The following SLC4A10 variants were observed in gnomAD, a reference collection of about 807,000 sequenced individuals.
The protein encoded by SLC4A10 is solute carrier family 4 member 10, also known as sodium-driven chloride bicarbonate exchanger.
Under a neutral mutation model 137.7 loss-of-function variants are expected in SLC4A10, and 42 were observed. The observed-to-expected ratio is 0.30, with a 90% CI of 0.24 to 0.39. The LOEUF (loss-of-function observed/expected upper bound fraction) is 0.39. Among genes scored for constraint, SLC4A10 ranks in the 10% least tolerant of loss-of-function variants. The pLI is 1.00. For synonymous variants in SLC4A10, 474 were observed against 464.1 expected, an observed-to-expected ratio of 1.02 and a Z score of -0.27; for missense variants, 925 against 1,355.0, an observed-to-expected ratio of 0.68 and a Z score of 4.98.
intron 1 of SLC4A10, among the ~76,000 whole-genome samples, chr2:161,740,570 C>T (rs1211048148): frequency 6.6e-6 from 1 of 152,104 alleles, no homozygotes; most frequent in Non-Finnish European, 1.5e-5. Context: ...ATTCTCTAGT[C>T]CAAAATCCCA....
chr2:161,895,233 G>T (rs180886910), intron 11 of SLC4A10, among the ~76,000 whole-genome samples: 206 of 152,096 alleles, frequency 1.4e-3, no homozygotes, highest in African/African-American at 4.7e-3. Flanking sequence ...TCCCTACAAA[G>T]GATGTGAACT....
At chr2:161,801,331 T>G (rs2055344016) in intron 2 of SLC4A10, among the ~76,000 whole-genome samples, 1 of 152,026 alleles carries the variant, frequency 6.6e-6, no homozygotes. Flanking sequence ...TACTTACCTC[T>G]TAATCTTTTT....
intron 1 of SLC4A10, among the ~76,000 whole-genome samples, chr2:161,632,917 T>G (rs1055228979): frequency 4.0e-5 from 6 of 151,700 alleles, no homozygotes; most frequent in Non-Finnish European, 5.9e-5. Context: ...TTTTTAACAA[T>G]AAATCATAAT....
At chr2:161,851,895 T>C (rs1359591749) in intron 4 of SLC4A10, among the ~76,000 whole-genome samples, 1 of 152,140 alleles carries the variant, frequency 6.6e-6, no homozygotes, top group Non-Finnish European at 1.5e-5. Flanking sequence ...TCAGTTTATT[T>C]ATTTGTTCTT....
intron 3 of SLC4A10, among the ~76,000 whole-genome samples, chr2:161,832,187 A>T (rs2058475684): frequency 6.6e-6 from 1 of 152,180 alleles, no homozygotes; most frequent in African/African-American, 2.4e-5. Context: ...GGCCCTTTGC[A>T]CACCCTTCTG....
At chr2:161,750,908 T>C (rs2048898057) in intron 1 of SLC4A10, among the ~76,000 whole-genome samples, 1 of 151,766 alleles carries the variant, frequency 6.6e-6, no homozygotes, top group African/African-American at 2.4e-5. Flanking sequence ...AGTGGGTCTA[T>C]ATATATTTAT....
intron 17 of SLC4A10, among the ~76,000 whole-genome samples, chr2:161,947,970 A>T (rs1255055484): frequency 2.6e-5 from 4 of 152,088 alleles, no homozygotes; most frequent in African/African-American, 9.7e-5. Flanking sequence ...ACGTTTTTGG[A>T]AATTCACAGC....
intron 1 of SLC4A10, among the ~76,000 whole-genome samples, chr2:161,683,215 C>T (rs927801383): frequency 2.6e-5 from 4 of 152,054 alleles, no homozygotes; most frequent in Admixed American, 2.0e-4. Flanking sequence ...TTGAAAATCT[C>T]CTATTTAGTT....
intron 1 of SLC4A10, among the ~76,000 whole-genome samples, chr2:161,628,560 CAAA>C (rs2032911429): frequency 6.6e-6 from 1 of 151,722 alleles, no homozygotes; most frequent in African/African-American, 2.4e-5. Flanking sequence ...GTCAAAGTAA[CAAA>C]AAGAGCACAT....
At chr2:161,733,780 G>A (rs1574642831) in intron 1 of SLC4A10, among the ~76,000 whole-genome samples, 1 of 152,220 alleles carries the variant, frequency 6.6e-6, no homozygotes. Context: ...AGCCAGGAGG[G>A]AGGCTGTACC....
chr2:161,656,020 G>T (rs751654928), intron 1 of SLC4A10, among the ~76,000 whole-genome samples: 16 of 152,064 alleles, frequency 1.1e-4, no homozygotes, highest in Admixed American at 7.2e-4. Context: ...CACCGTGTTG[G>T]TCAGGCTGGT....
At chr2:161,653,832 A>T (rs1323914412) in intron 1 of SLC4A10, among the ~76,000 whole-genome samples, 2 of 152,242 alleles carry the variant, frequency 1.3e-5, no homozygotes, top group African/African-American at 4.8e-5. Context: ...GATACTGTGA[A>T]TAATGCTACA....
intron 15 of SLC4A10, among the ~76,000 whole-genome samples, chr2:161,933,240 T>A (rs913068254): frequency 7.3e-6 from 1 of 136,284 alleles, no homozygotes; most frequent in Non-Finnish European, 1.6e-5. Flanking sequence ...TCTTTCTTTC[T>A]TTCTTTCTTT....
At chr2:161,667,031 A>G (rs567716265) in intron 1 of SLC4A10, among the ~76,000 whole-genome samples, 2 of 151,830 alleles carry the variant, frequency 1.3e-5, no homozygotes, top group East Asian at 1.9e-4. Flanking sequence ...AAGAGTATCT[A>G]TAATGAAATT....
intron 23 of SLC4A10, among the ~76,000 whole-genome samples, chr2:161,969,459 T>C (rs1324260315): frequency 6.6e-6 from 1 of 152,220 alleles, no homozygotes; most frequent in Admixed American, 6.5e-5. Context: ...AAATTCTGGA[T>C]GTCCAAATGT....
chr2:161,856,376 CA>C (rs2060100611), intron 5 of SLC4A10, among the ~76,000 whole-genome samples: 6 of 133,666 alleles, frequency 4.5e-5, no homozygotes, highest in Non-Finnish European at 1.0e-4. Flanking sequence ...CACACACACA[CA>C]CACACACACA....
intron 3 of SLC4A10, among the ~76,000 whole-genome samples, chr2:161,825,028 T>C (rs898711071): frequency 9.9e-5 from 15 of 152,184 alleles, no homozygotes; most frequent in Non-Finnish European, 1.0e-4. Context: ...AAATATATTT[T>C]CTCTTCTTTG....
At position 161,873,968 on chromosome 2, in the gene SLC4A10, G is replaced by C; in HGVS notation, c.911G>C (p.Arg304Thr). 6.3e-7 allele frequency: 1 copy of C among 1,594,658 alleles called. No individual in the cohort carries two copies. Residue 304 changes from arginine to threonine, a missense_variant, in exon 8 of 27, where the codon AGG (arginine) becomes ACG (threonine). Arg to Thr is a moderately conservative substitution (Grantham distance 71, BLOSUM62 -1). Coordinates refer to ENST00000446997, the MANE Select transcript of SLC4A10 (RefSeq NM_001178015.2). ...ACTAGTCCATGTGGGATGAAACAAAGGCATGAAAAAGGACCTCCACACCAG... is the reference window on the plus strand; with the variant it reads ...ACTAGTCCATGTGGGATGAAACAAACGCATGAAAAAGGACCTCCACACCAG... Reference protein sequence around the residue: ...GHTSPCGMKQRHEKGPPHQQE... With the variant: ...GHTSPCGMKQTHEKGPPHQQE...
chr2:161,636,434 G>T (rs2034404343), intron 1 of SLC4A10, among the ~76,000 whole-genome samples: 1 of 151,916 alleles, frequency 6.6e-6, no homozygotes, highest in Non-Finnish European at 1.5e-5. Context: ...CATTCTTGTT[G>T]CCCGGGCTGG....
Sources: allele counts gnomAD v4.1 joint callset (sites outside exome capture counted in the v4.1 genomes callset), GRCh38; gene constraint gnomAD v4.1.1; transcripts MANE v1.5; gene names NCBI Gene and HGNC (gene_info 2026-07-23, HGNC 2026-07-21).